Variants in MED15 observed in about 807,000 individuals in gnomAD.
MED15 encodes the protein mediator complex subunit 15, also known as mediator of RNA polymerase II transcription subunit 15.
In MED15, 41 loss-of-function variants were observed where a neutral mutation model predicts 118.7. That is an observed-to-expected ratio of 0.35 (90% confidence interval 0.27 to 0.45). The LOEUF (loss-of-function observed/expected upper bound fraction) is 0.45, where lower values mean the gene tolerates loss of function less well. Among genes scored for constraint, MED15 ranks in the 20% least tolerant of loss-of-function variants. MED15 has a pLI of 1.00. For synonymous variants in MED15, 436 were observed against 413.9 expected, an observed-to-expected ratio of 1.05 and a Z score of -0.65; for missense variants, 740 against 1,025.5, an observed-to-expected ratio of 0.72 and a Z score of 3.80.
At chr22:20,538,052 C>A (rs1392083206) in intron 2 of MED15, among the ~76,000 whole-genome samples, 1 of 152,154 alleles carries the variant, frequency 6.6e-6, no homozygotes, top group Admixed American at 6.5e-5. Context: ...GTTTACATTT[C>A]AGTGGTCTTT....
At position 20,584,611 on chromosome 22, in the gene MED15, T is replaced by C. The variant is rs961929433; in HGVS notation, c.1803+186T>C. The C allele has an allele frequency of 9.6e-6, 8 of 829,602 alleles. No individual in the cohort carries two copies. The African/African-American group carries it at 1.4e-4, about 14-fold the overall frequency. 51.4% of individuals were successfully genotyped at this position (829,602 alleles called of 1,614,324 possible). ...TGGGAACATGGGAGAAGTCACCCTC[T>C]GTCTACGGCCCCCGTGGGTGCCTCC... On this transcript the variant is annotated intron_variant, in intron 14 of 17. Transcript: ENST00000263205.
chr22:20,543,617 G>A (rs1451227067), intron 2 of MED15, among the ~76,000 whole-genome samples: 1 of 151,108 alleles, frequency 6.6e-6, no homozygotes, highest in Non-Finnish European at 1.5e-5. Flanking sequence ...GAGTGCAGTA[G>A]CGCGATCTCG....
At chr22:20,517,547 CT>C (rs1474599379) in intron 1 of MED15, among the ~76,000 whole-genome samples, 3 of 152,324 alleles carry the variant, frequency 2.0e-5, no homozygotes, top group East Asian at 3.9e-4. Context: ...CCCCGCTGCT[CT>C]TTTCACAGGC....
At chr22:20,550,553 G>T (rs573933714) in intron 2 of MED15, among the ~76,000 whole-genome samples, 1 of 152,386 alleles carries the variant, frequency 6.6e-6, no homozygotes, top group East Asian at 1.9e-4. Context: ...GTGTCACAGT[G>T]ACTCAGGAGG....
At chr22:20,539,954 T>A (rs1217584947) in intron 2 of MED15, among the ~76,000 whole-genome samples, 1 of 152,244 alleles carries the variant, frequency 6.6e-6, no homozygotes, top group African/African-American at 2.4e-5. Flanking sequence ...AATAGTTCTT[T>A]ATGCATTTGG....
chr22:20,584,116 G>A, intron 13 of MED15: 1 of 563,098 alleles, frequency 1.8e-6, no homozygotes, highest in South Asian at 2.1e-5. Context: ...TTCACAGCCT[G>A]ATCAGGGGCC....
rs1263899727 is a variant in MED15 at position 20,539,143 on chromosome 22, G to C, written c.156+1939G>C. On this transcript the variant is annotated intron_variant, in intron 2 of 17. Transcript: ENST00000263205. ...AGATGGAGTCTCGCTCTGTCACCCA[G>C]GCTGGAGTGCAATGGCACGATCTCG... Among the ~76,000 whole-genome samples, 4 of 152,056 alleles carry C rather than the reference G, an allele frequency of 2.6e-5. No homozygotes were observed. The East Asian group carries it at 7.7e-4, about 29-fold the overall frequency.
intron 5 of MED15, among the ~76,000 whole-genome samples, chr22:20,563,778 T>C (rs2056328541): frequency 6.6e-6 from 1 of 152,242 alleles, no homozygotes; most frequent in African/African-American, 2.4e-5. Flanking sequence ...TAATTCTCAT[T>C]AGCATACAAT....
At chr22:20,581,600 C>T (rs747217218) in intron 9 of MED15, among the ~76,000 whole-genome samples, 26 of 152,250 alleles carry the variant, frequency 1.7e-4, no homozygotes, top group South Asian at 6.2e-4. Context: ...AGGGTTCCCC[C>T]AGTGTGACAA....
At chr22:20,582,518 G>A (rs575128881) in intron 9 of MED15, 93 bp from the exon 10 acceptor site, 185 of 1,521,632 alleles carry the variant, frequency 1.2e-4, no homozygotes, top group South Asian at 3.6e-4. Context: ...GAGGCTGTGC[G>A]GGAGGATGGG....
intron 5 of MED15, among the ~76,000 whole-genome samples, chr22:20,555,512 G>A (rs762739191): frequency 6.6e-6 from 1 of 152,192 alleles, no homozygotes; most frequent in Non-Finnish European, 1.5e-5. Context: ...CTGTCTGCCC[G>A]AGCTCTGGGC....
chr22:20,531,728 A>G (rs2054870061), intron 1 of MED15, among the ~76,000 whole-genome samples: 2 of 152,268 alleles, frequency 1.3e-5, no homozygotes, highest in Admixed American at 6.5e-5. Flanking sequence ...ATGACTGCCC[A>G]CTGCACACAA....
chr22:20,568,396 TG>T, intron 7 of MED15, 124 bp from the exon 8 acceptor site: 1 of 1,409,754 alleles, frequency 7.1e-7, no homozygotes, highest in South Asian at 1.3e-5. Context: ...TCACAGCACA[TG>T]AGGTCATGAA....
intron 1 of MED15, among the ~76,000 whole-genome samples, chr22:20,530,816 G>C (rs1409811535): frequency 6.6e-6 from 1 of 152,180 alleles, no homozygotes; most frequent in African/African-American, 2.4e-5. Flanking sequence ...AGCTCCAATG[G>C]GAGGGTGGCT....
At chr22:20,508,293 G>A (rs2053942480) in intron 1 of MED15, 1 of 1,302,536 alleles carries the variant, frequency 7.7e-7, no homozygotes, top group African/African-American at 1.5e-5. Flanking sequence ...GCCGCTGTCA[G>A]GAAGCGATCG....
At chr22:20,554,856 T>C in intron 4 of MED15, 80 bp from the exon 5 acceptor site, 2 of 1,373,126 alleles carry the variant, frequency 1.5e-6, no homozygotes, top group Non-Finnish European at 2.0e-6. Flanking sequence ...AGATCTGTGC[T>C]CTGTGAGCCT....
At chr22:20,520,087 A>G (rs2054392871) in intron 1 of MED15, among the ~76,000 whole-genome samples, 1 of 151,900 alleles carries the variant, frequency 6.6e-6, no homozygotes. Context: ...GCTGAAGGGG[A>G]ATGAGGGACA....
intron 7 of MED15, among the ~76,000 whole-genome samples, chr22:20,567,824 C>T (rs2056498517): frequency 6.6e-6 from 1 of 152,160 alleles, no homozygotes; most frequent in Non-Finnish European, 1.5e-5. Context: ...CATGCAGTGG[C>T]TCCACAGTTG....
intron 1 of MED15, among the ~76,000 whole-genome samples, chr22:20,514,133 T>C (rs1157483293): frequency 6.6e-6 from 1 of 152,196 alleles, no homozygotes; most frequent in Non-Finnish European, 1.5e-5. Flanking sequence ...CCCAAAGGGC[T>C]AGGATTACAG....
Sources: gnomAD v4.1 joint callset for allele counts (sites outside exome capture counted in the v4.1 genomes callset) on GRCh38, gnomAD v4.1.1 for gene constraint, MANE v1.5 for transcripts, NCBI Gene and HGNC (gene_info 2026-07-23, HGNC 2026-07-21) for gene names.